ARHGAP26: variants seen among roughly 807,000 people sequenced by gnomAD.
ARHGAP26 encodes the protein rho GTPase-activating protein 26.
A neutral mutation model predicts 104.8 loss-of-function variants in ARHGAP26; 38 were observed. The ratio of observed to expected loss-of-function variants is 0.36; its 90% CI spans 0.28 to 0.48. ARHGAP26 has a LOEUF of 0.48. ARHGAP26 is among the 20% of genes least tolerant of loss of function. ARHGAP26 has a pLI of 0.99. For synonymous variants in ARHGAP26, 341 were observed against 340.0 expected (o/e 1.00, Z -0.03); for missense variants, 704 against 947.9 (o/e 0.74, Z 3.38).
chr5:143,177,987 CTTTTTTTTTTTT>C (rs397705462), intron 20 of ARHGAP26, among the ~76,000 whole-genome samples: 35 of 58,340 alleles, frequency 6.0e-4, no homozygotes, highest in African/African-American at 2.1e-3. Flanking sequence ...TGTGGCAGTC[CTTTTTTTTTTTT>C]TTTTTTTTTT....
At chr5:142,959,964 T>C (rs560580713) in intron 11 of ARHGAP26, among the ~76,000 whole-genome samples, 1 of 152,322 alleles carries the variant, frequency 6.6e-6, no homozygotes, top group Admixed American at 6.5e-5. Flanking sequence ...CTATATGGGA[T>C]TGGTCTGTTT....
chr5:143,150,356 A>G (rs556944806), intron 20 of ARHGAP26, among the ~76,000 whole-genome samples: 126 of 152,368 alleles, frequency 8.3e-4, no homozygotes, highest in Non-Finnish European at 4.6e-4. Context: ...AGGCAGTGGC[A>G]TATGGCAGTG....
intron 11 of ARHGAP26, among the ~76,000 whole-genome samples, chr5:142,942,381 TA>T (rs1766492455): frequency 6.6e-6 from 1 of 152,184 alleles, no homozygotes; most frequent in African/African-American, 2.4e-5. Flanking sequence ...ATCAAAGTAT[TA>T]AAACATTTAT....
At chr5:143,221,449 A>C (rs970969880) in intron 22 of ARHGAP26, among the ~76,000 whole-genome samples, 1 of 149,276 alleles carries the variant, frequency 6.7e-6, no homozygotes, top group East Asian at 2.0e-4. Flanking sequence ...AAAAAACCCC[A>C]GAAAATTTGC....
At chr5:143,187,198 G>A (rs1227277117) in intron 20 of ARHGAP26, among the ~76,000 whole-genome samples, 1 of 152,166 alleles carries the variant, frequency 6.6e-6, no homozygotes, top group Admixed American at 6.5e-5. Context: ...GGGTGACACA[G>A]CTAATAAGTG....
chr5:142,978,697 A>G (rs551140044), intron 11 of ARHGAP26, among the ~76,000 whole-genome samples: 1 of 151,524 alleles, frequency 6.6e-6, no homozygotes, highest in South Asian at 2.1e-4. Context: ...CACCCTATAA[A>G]TGTTATTATT....
chr5:142,903,692 G>C, intron 8 of ARHGAP26, 23 bp downstream of exon 8: 1 of 1,611,692 alleles, frequency 6.2e-7, no homozygotes, highest in African/African-American at 1.3e-5. Context: ...ACTAGCAACA[G>C]CTTGGGATGT....
intron 11 of ARHGAP26, among the ~76,000 whole-genome samples, chr5:142,980,524 G>T (rs1322892128): frequency 6.6e-6 from 1 of 151,928 alleles, no homozygotes; most frequent in African/African-American, 2.4e-5. Flanking sequence ...GAGTGGCTGG[G>T]ATTACAGGTG....
chr5:143,211,494 T>C (rs868153562), intron 21 of ARHGAP26, among the ~76,000 whole-genome samples: 2 of 151,932 alleles, frequency 1.3e-5, no homozygotes, highest in Non-Finnish European at 2.9e-5. Flanking sequence ...GGAAAAGCCC[T>C]CCCATAGACT....
At chr5:142,937,980 C>T (rs538450237) in intron 11 of ARHGAP26, among the ~76,000 whole-genome samples, 25 of 151,276 alleles carry the variant, frequency 1.7e-4, no homozygotes, top group African/African-American at 5.8e-4. Context: ...TATATGAAAC[C>T]ATATTAAAGT....
chr5:142,796,934 G>A (rs1028539876), intron 1 of ARHGAP26, among the ~76,000 whole-genome samples: 3 of 152,200 alleles, frequency 2.0e-5, no homozygotes, highest in East Asian at 1.9e-4. Flanking sequence ...ATGGGGTTCC[G>A]TTTCCACTGG....
chr5:143,110,221 T>G (rs1191823659), intron 17 of ARHGAP26, among the ~76,000 whole-genome samples: 1 of 152,234 alleles, frequency 6.6e-6, no homozygotes, highest in Non-Finnish European at 1.5e-5. Flanking sequence ...ATATTTTCTT[T>G]GCTTATCGCC....
intron 11 of ARHGAP26, among the ~76,000 whole-genome samples, chr5:143,008,554 A>G (rs1307914073): frequency 1.3e-5 from 2 of 152,218 alleles, no homozygotes; most frequent in East Asian, 1.9e-4. Context: ...AGGGGATCAT[A>G]GAGTTTGGAT....
At chr5:143,028,110 A>C (rs1047211581) in intron 12 of ARHGAP26, among the ~76,000 whole-genome samples, 1 of 152,214 alleles carries the variant, frequency 6.6e-6, no homozygotes, top group African/African-American at 2.4e-5. Context: ...TGATGCTATA[A>C]TCTTACAGAA....
intron 6 of ARHGAP26, among the ~76,000 whole-genome samples, chr5:142,894,926 C>T (rs904155062): frequency 6.6e-6 from 1 of 152,230 alleles, no homozygotes; most frequent in Non-Finnish European, 1.5e-5. Flanking sequence ...GACTTGGACA[C>T]TGTCCCAGTG....
chr5:143,040,245 C>T (rs1342816693), intron 13 of ARHGAP26, among the ~76,000 whole-genome samples: 1 of 152,210 alleles, frequency 6.6e-6, no homozygotes, highest in African/African-American at 2.4e-5. Flanking sequence ...GACTCCTAGT[C>T]CGTGAATCAT....
intron 1 of ARHGAP26, among the ~76,000 whole-genome samples, chr5:142,850,892 A>G (rs886223772): frequency 3.3e-5 from 5 of 152,246 alleles, no homozygotes; most frequent in African/African-American, 7.2e-5. Flanking sequence ...GGTATAGCCA[A>G]TGCTTCTACT....
At chr5:142,952,021 G>A (rs1487471127) in intron 11 of ARHGAP26, among the ~76,000 whole-genome samples, 1 of 152,184 alleles carries the variant, frequency 6.6e-6, no homozygotes, top group Non-Finnish European at 1.5e-5. Context: ...GCTTGTGGCT[G>A]TGTCATTTCA....
chr5:143,011,543 A>G (rs1474721745), intron 11 of ARHGAP26, among the ~76,000 whole-genome samples: 2 of 152,066 alleles, frequency 1.3e-5, no homozygotes, highest in African/African-American at 2.4e-5. Flanking sequence ...GCAACATGGG[A>G]AATTATTATT....
Sources: allele counts gnomAD v4.1 joint callset (sites outside exome capture counted in the v4.1 genomes callset), GRCh38; gene constraint gnomAD v4.1.1; transcripts MANE v1.5; gene names NCBI Gene and HGNC (gene_info 2026-07-23, HGNC 2026-07-21).